RBFOX1: variants seen among roughly 807,000 people sequenced by gnomAD.
RBFOX1 encodes RNA binding fox-1 homolog 1.
RBFOX1 carries 8 observed loss-of-function variants against 57.7 expected under a neutral mutation model. The observed-to-expected ratio is 0.14, with a 90% CI of 0.08 to 0.25. RBFOX1 has a LOEUF of 0.25. Ranked by LOEUF, RBFOX1 falls within the 10% of genes least tolerant of loss-of-function variation. The pLI, the probability that RBFOX1 is intolerant of heterozygous loss-of-function variation, is 1.00. For synonymous variants in RBFOX1, 326 were observed against 222.4 expected (o/e 1.47, Z -4.15); for missense variants, 611 against 548.5 (o/e 1.11, Z -1.14).
intron 1 of RBFOX1, among the ~76,000 whole-genome samples, chr16:6,134,943 C>G (rs558599754): frequency 2.0e-4 from 30 of 152,190 alleles, no homozygotes; most frequent in Admixed American, 1.5e-3. Flanking sequence ...GTGCTGCACC[C>G]ATTAACTCAT....
At chr16:5,934,342 T>C (rs557444777) in intron 4 of RBFOX1, among the ~76,000 whole-genome samples, 6 of 152,350 alleles carry the variant, frequency 3.9e-5, no homozygotes, top group African/African-American at 1.2e-4. Context: ...ATTATATCTA[T>C]TGTGCTTATT....
chr16:6,984,090 A>G lies in RBFOX1; in HGVS notation c.-15-67967A>G, dbSNP rs145660555. On this transcript the variant is annotated intron_variant, in intron 3 of 15. Coordinates refer to ENST00000550418, the MANE Select transcript of RBFOX1 (RefSeq NM_018723.4). Reference sequence around the variant, plus strand: ...TGGAGAAACCCTGTCTCTACTAAAAATACGAAATTAGCCGAGTATGATGGC... The same window carrying G: ...TGGAGAAACCCTGTCTCTACTAAAAGTACGAAATTAGCCGAGTATGATGGC... Among the ~76,000 whole-genome samples, 866 of 152,242 alleles carry G rather than the reference A, an allele frequency of 5.7e-3. 9 individuals carry two copies. The highest frequency in any genetic ancestry group is 0.034 in the Middle Eastern group (10 of 294).
chr16:6,371,432 A>G (rs2090420102), intron 2 of RBFOX1, among the ~76,000 whole-genome samples: 1 of 152,162 alleles, frequency 6.6e-6, no homozygotes, highest in South Asian at 2.1e-4. Flanking sequence ...ATGAACTACA[A>G]TCGGTTACTT....
In RBFOX1 at chr16:5,523,746, A is replaced by G. The variant is rs188162801; in HGVS notation, c.258+56492A>G. Reference sequence around the variant, plus strand: ...TGGTAGTTCTGTCTTCAATTTTTTGACAAATGTCTATACTCTTTTTCATAA... The same window carrying G: ...TGGTAGTTCTGTCTTCAATTTTTTGGCAAATGTCTATACTCTTTTTCATAA... On this transcript the variant is annotated intron_variant, in intron 2 of 2. Transcript: ENST00000585867. Among the ~76,000 whole-genome samples, 124 of 152,344 alleles carry G rather than the reference A, an allele frequency of 8.1e-4. 1 individual carries two copies. The highest frequency in any genetic ancestry group is 1.2e-3 in the Non-Finnish European group (82 of 68,036).
At chr16:7,063,265 C>G (rs2055042800) in intron 4 of RBFOX1, among the ~76,000 whole-genome samples, 1 of 152,066 alleles carries the variant, frequency 6.6e-6, no homozygotes, top group Admixed American at 6.6e-5. Flanking sequence ...GTCTTTGGAA[C>G]TCTGTCCTTC....
chr16:6,743,598 G>C (rs59912739), intron 3 of RBFOX1, among the ~76,000 whole-genome samples: 35,037 of 151,320 alleles, frequency 0.23, 4,148 homozygotes, highest in East Asian at 0.35. Context: ...AAAAATTGAA[G>C]TGAGCATGGT....
intron 3 of RBFOX1, among the ~76,000 whole-genome samples, chr16:6,893,808 T>C (rs551296669): frequency 2.6e-5 from 4 of 152,212 alleles, no homozygotes; most frequent in Non-Finnish European, 2.9e-5. Context: ...CTAAAACTTA[T>C]AATCACTAAT....
intron 4 of RBFOX1, among the ~76,000 whole-genome samples, chr16:7,185,511 A>G (rs1004354762): frequency 6.6e-6 from 1 of 152,182 alleles, no homozygotes; most frequent in African/African-American, 2.4e-5. Flanking sequence ...AATAATTCTT[A>G]TGATAACATG....
chr16:5,580,620 C>T (rs1234556568), intron 2 of RBFOX1, among the ~76,000 whole-genome samples: 1 of 152,194 alleles, frequency 6.6e-6, no homozygotes, highest in East Asian at 1.9e-4. Flanking sequence ...CAAACATCTG[C>T]TTTGTGTGGG....
At position 6,572,619 on chromosome 16, in the gene RBFOX1, G is replaced by A. The variant is rs375220130; in HGVS notation, c.-63-81984G>A. 1.0e-3 allele frequency among the ~76,000 whole-genome samples: 153 copies of A among 151,468 alleles called. 1 individual carries two copies. Among genetic ancestry groups the A allele is most frequent in the African/African-American group, 3.4e-3 (142 of 41,238 alleles). On this transcript the variant is annotated intron_variant, in intron 2 of 15. Coordinates refer to ENST00000550418, the MANE Select transcript of RBFOX1 (RefSeq NM_018723.4). ...CTCTGTCTTTTTTTTTTTAGACAGA[G>A]TCTCACTCTGTCACCCAGGCTGGAG...
intron 3 of RBFOX1, among the ~76,000 whole-genome samples, chr16:7,008,046 T>C (rs2093403967): frequency 6.6e-6 from 1 of 152,184 alleles, no homozygotes; most frequent in Non-Finnish European, 1.5e-5. Context: ...ATTATCTATA[T>C]TCAGTTGAGA....
chr16:5,737,073 G>A (rs1212302651), intron 3 of RBFOX1, among the ~76,000 whole-genome samples: 1 of 152,098 alleles, frequency 6.6e-6, no homozygotes, highest in African/African-American at 2.4e-5. Context: ...TACTGAGAGT[G>A]ATGGTGACTT....
At chr16:5,780,990 A>T (rs1266396659) in intron 3 of RBFOX1, among the ~76,000 whole-genome samples, 1 of 152,146 alleles carries the variant, frequency 6.6e-6, no homozygotes, top group Non-Finnish European at 1.5e-5. Flanking sequence ...CCGCTGGGAG[A>T]GGTGGAGGTT....
intron 1 of RBFOX1, among the ~76,000 whole-genome samples, chr16:5,288,467 G>C (rs569340895): frequency 6.6e-6 from 1 of 151,942 alleles, no homozygotes; most frequent in South Asian, 2.1e-4. Flanking sequence ...CTTCTAAAGT[G>C]AATTACACAT....
intron 3 of RBFOX1, among the ~76,000 whole-genome samples, chr16:6,790,310 G>T (rs539440748): frequency 6.6e-6 from 1 of 151,632 alleles, no homozygotes; most frequent in Non-Finnish European, 1.5e-5. Flanking sequence ...TCAGCTTACC[G>T]AGTAGCTGGT....
intron 4 of RBFOX1, among the ~76,000 whole-genome samples, chr16:7,389,392 C>T (rs1014282723): frequency 2.6e-5 from 4 of 152,300 alleles, no homozygotes; most frequent in African/African-American, 9.6e-5. Context: ...TCCCAAAGCA[C>T]TTGGATTACA....
At chr16:7,269,423 C>G (rs1414628541) in intron 4 of RBFOX1, among the ~76,000 whole-genome samples, 4 of 152,046 alleles carry the variant, frequency 2.6e-5, no homozygotes, top group African/African-American at 7.2e-5. Context: ...TGATATTTCT[C>G]TTTTTGGGGT....
intron 3 of RBFOX1, among the ~76,000 whole-genome samples, chr16:5,833,013 C>A (rs906035415): frequency 6.6e-6 from 1 of 152,098 alleles, no homozygotes; most frequent in African/African-American, 2.4e-5. Flanking sequence ...AGCCACCAAC[C>A]CCCCAAAATG....
intron 2 of RBFOX1, among the ~76,000 whole-genome samples, chr16:6,466,916 A>G (rs915697373): frequency 1.3e-5 from 2 of 152,092 alleles, no homozygotes; most frequent in African/African-American, 4.8e-5. Context: ...GTCAATCTTA[A>G]TATAACTAAA....
Sources: gnomAD v4.1 joint callset for allele counts (sites outside exome capture counted in the v4.1 genomes callset) on GRCh38, gnomAD v4.1.1 for gene constraint, MANE v1.5 for transcripts, NCBI Gene and HGNC (gene_info 2026-07-23, HGNC 2026-07-21) for gene names.